Variants in SLC8A1 observed in about 807,000 individuals in gnomAD.
SLC8A1 encodes solute carrier family 8 member A1.
A neutral mutation model predicts 68.3 loss-of-function variants in SLC8A1; 18 were observed. The ratio of observed to expected loss-of-function variants is 0.26; its 90% CI spans 0.18 to 0.39. The LOEUF (loss-of-function observed/expected upper bound fraction) is 0.39. Ranked by LOEUF, SLC8A1 falls within the 10% of genes least tolerant of loss-of-function variation. The probability of loss-of-function intolerance (pLI) is 1.00; values close to 1 mark genes in which losing one functional copy is unlikely to be tolerated. For synonymous variants in SLC8A1, 475 were observed against 415.5 expected (o/e 1.14, Z -1.74); for missense variants, 985 against 1,156.7 (o/e 0.85, Z 2.15).
At chr2:40,203,809 G>C (rs1271030730) in intron 2 of SLC8A1, among the ~76,000 whole-genome samples, 1 of 151,864 alleles carries the variant, frequency 6.6e-6, no homozygotes, top group Admixed American at 6.6e-5. Flanking sequence ...GGGCTCAAAT[G>C]ATCCTCTACC....
intron 1 of SLC8A1, among the ~76,000 whole-genome samples, chr2:40,474,658 A>T (rs1704175848): frequency 6.6e-6 from 1 of 152,236 alleles, no homozygotes; most frequent in African/African-American, 2.4e-5. Flanking sequence ...CTTCTTAAGT[A>T]TGAAGTTACT....
intron 1 of SLC8A1, among the ~76,000 whole-genome samples, chr2:40,447,931 A>G (rs1050463297): frequency 6.6e-6 from 1 of 152,212 alleles, no homozygotes; most frequent in African/African-American, 2.4e-5. Flanking sequence ...AGTTTCAGGT[A>G]AGGTGGAAAT....
chr2:40,213,170 C>T (rs1306419069), intron 2 of SLC8A1: 1 of 152,172 alleles, frequency 6.6e-6, no homozygotes, highest in Non-Finnish European at 1.5e-5. Context: ...AATTTCCAGG[C>T]CTCAAATTCC....
rs530158557 is a variant in SLC8A1 at position 40,393,129 on chromosome 2, C to T, written c.1808+35344G>A. On this transcript the variant is annotated intron_variant, in intron 2 of 7. Coordinates refer to ENST00000406785, the Ensembl canonical transcript of SLC8A1. ...AACTGTCTAATCTATTTTATAGCTC[C>T]GTTTTACAGAGTTATAACATGTCAA... Among the ~76,000 whole-genome samples the T allele has an allele frequency of 9.2e-5, 14 of 152,134 alleles. No homozygotes were observed. In the East Asian group the frequency reaches 2.5e-3, roughly 27 times the overall value.
At chr2:40,496,571 A>G (rs370482727) in intron 1 of SLC8A1, among the ~76,000 whole-genome samples, 7 of 152,052 alleles carry the variant, frequency 4.6e-5, no homozygotes, top group African/African-American at 1.4e-4. Flanking sequence ...TGAAATCATT[A>G]CAAGCAGGGT....
At chr2:40,313,399 G>A (rs2074004631) in intron 2 of SLC8A1, among the ~76,000 whole-genome samples, 1 of 151,958 alleles carries the variant, frequency 6.6e-6, no homozygotes, top group African/African-American at 2.4e-5. Flanking sequence ...ATAGCTATAT[G>A]CTTTCTTTTC....
chr2:40,346,722 T>A (rs1010061366), intron 2 of SLC8A1, among the ~76,000 whole-genome samples: 1 of 152,116 alleles, frequency 6.6e-6, no homozygotes, highest in African/African-American at 2.4e-5. Flanking sequence ...TATGGCTAAA[T>A]TGTTTTGTCT....
At chr2:40,347,375 C>T (rs1669691488) in intron 2 of SLC8A1, among the ~76,000 whole-genome samples, 1 of 152,248 alleles carries the variant, frequency 6.6e-6, no homozygotes, top group Admixed American at 6.5e-5. Context: ...TGCCATGCTT[C>T]TTCCCATCAC....
At chr2:40,175,280 G>C (rs1352268248) in intron 3 of SLC8A1, 1 of 1,612,828 alleles carries the variant, frequency 6.2e-7, no homozygotes, top group Non-Finnish European at 8.5e-7. Context: ...TCAATAACAG[G>C]GCTGTGAAGG....
intron 6 of SLC8A1, among the ~76,000 whole-genome samples, chr2:40,159,370 T>C (rs2045247709): frequency 6.6e-6 from 1 of 152,194 alleles, no homozygotes; most frequent in African/African-American, 2.4e-5. Context: ...CAGCTTATGG[T>C]TGTTATACAA....
At chr2:40,362,640 A>C (rs984865276) in intron 2 of SLC8A1, among the ~76,000 whole-genome samples, 3 of 152,152 alleles carry the variant, frequency 2.0e-5, no homozygotes, top group African/African-American at 7.2e-5. Flanking sequence ...TGGTGACTCA[A>C]ATATCACAAA....
chr2:40,469,599 A>AT (rs36099072), intron 1 of SLC8A1, among the ~76,000 whole-genome samples: 247 of 151,708 alleles, frequency 1.6e-3, no homozygotes, highest in African/African-American at 4.3e-3. Context: ...TTTTATTTTT[A>AT]TTTTTTTTGC....
At chr2:40,391,220 G>T (rs767135854) in intron 2 of SLC8A1, among the ~76,000 whole-genome samples, 1 of 63,426 alleles carries the variant, frequency 1.6e-5, no homozygotes, top group African/African-American at 1.0e-4. Flanking sequence ...GTGTGTATGT[G>T]TGTGTGTACA....
At chr2:40,316,718 C>T (rs904513181) in intron 2 of SLC8A1, among the ~76,000 whole-genome samples, 8 of 152,100 alleles carry the variant, frequency 5.3e-5, no homozygotes, top group South Asian at 4.1e-4. Context: ...TAATGCAAAT[C>T]TTGATTTATA....
At chr2:40,399,540 C>A (rs1344715375) in intron 2 of SLC8A1, among the ~76,000 whole-genome samples, 2 of 151,906 alleles carry the variant, frequency 1.3e-5, no homozygotes, top group African/African-American at 4.8e-5. Flanking sequence ...GGTCTAGATC[C>A]AAAAAATAAA....
chr2:40,236,449 T>G (rs1224997133), intron 2 of SLC8A1, among the ~76,000 whole-genome samples: 2 of 152,288 alleles, frequency 1.3e-5, no homozygotes, highest in East Asian at 3.9e-4. Context: ...TTTCCATTTG[T>G]TTGGCAGATC....
chr2:40,407,895 G>A (rs548830175), intron 2 of SLC8A1, among the ~76,000 whole-genome samples: 1 of 152,268 alleles, frequency 6.6e-6, no homozygotes, highest in East Asian at 1.9e-4. Context: ...CTCTTCTGAG[G>A]TGACTTTTCT....
intron 1 of SLC8A1, among the ~76,000 whole-genome samples, chr2:40,469,473 C>A (rs564916292): frequency 1.3e-5 from 2 of 152,170 alleles, no homozygotes; most frequent in African/African-American, 2.4e-5. Flanking sequence ...TGAAGAACTG[C>A]AAGTCAATTA....
At chr2:40,319,468 T>C (rs2074917801) in intron 2 of SLC8A1, among the ~76,000 whole-genome samples, 1 of 152,140 alleles carries the variant, frequency 6.6e-6, no homozygotes, top group African/African-American at 2.4e-5. Flanking sequence ...CTTTGTCACC[T>C]GGTTGATCCA....
Sources: allele counts gnomAD v4.1 joint callset (sites outside exome capture counted in the v4.1 genomes callset), GRCh38; gene constraint gnomAD v4.1.1; transcripts MANE v1.5; gene names NCBI Gene and HGNC (gene_info 2026-07-23, HGNC 2026-07-21).